WDR70: variants seen among roughly 807,000 people sequenced by gnomAD.
WDR70 encodes WD repeat-containing protein 70.
A neutral mutation model predicts 88.6 loss-of-function variants in WDR70; 53 were observed. That is an observed-to-expected ratio of 0.60 (90% CI 0.48 to 0.75). The LOEUF is 0.75. Ranked by LOEUF, WDR70 falls within the 30% of genes least tolerant of loss-of-function variation. WDR70 has a pLI of 0.00. For synonymous variants in WDR70, 280 were observed against 270.0 expected, an observed-to-expected ratio of 1.04 and a Z score of -0.36; for missense variants, 610 against 823.2, an observed-to-expected ratio of 0.74 and a Z score of 3.17.
At chr5:37,488,323 T>C (rs963091513) in intron 8 of WDR70, among the ~76,000 whole-genome samples, 4 of 152,064 alleles carry the variant, frequency 2.6e-5, no homozygotes, top group Non-Finnish European at 5.9e-5. Flanking sequence ...GCTATCTTCT[T>C]GTATCTGTAT....
chr5:37,418,831 T>C (rs1447055310), intron 5 of WDR70, among the ~76,000 whole-genome samples: 1 of 152,094 alleles, frequency 6.6e-6, no homozygotes, highest in Non-Finnish European at 1.5e-5. Context: ...TGATCTTGGC[T>C]CTGCTCACTG....
intron 7 of WDR70, among the ~76,000 whole-genome samples, chr5:37,446,903 C>A (rs1304097793): frequency 1.3e-5 from 2 of 152,088 alleles, no homozygotes; most frequent in Non-Finnish European, 1.5e-5. Flanking sequence ...GTCTAAAACA[C>A]CAAAAGCAAT....
At chr5:37,664,899 A>G (rs1446376091) in intron 10 of WDR70, among the ~76,000 whole-genome samples, 1 of 152,256 alleles carries the variant, frequency 6.6e-6, no homozygotes, top group East Asian at 1.9e-4. Flanking sequence ...TGTGTTTAGT[A>G]TCACTGAACT....
chr5:37,495,865 A>C (rs1269972314), intron 8 of WDR70, among the ~76,000 whole-genome samples: 1 of 152,212 alleles, frequency 6.6e-6, no homozygotes, highest in Non-Finnish European at 1.5e-5. Flanking sequence ...AAGGGCACTT[A>C]ACATTCCCAT....
At position 37,674,918 on chromosome 5, in the gene WDR70, T is replaced by C. The variant is rs1162812803; in HGVS notation, c.1093-22737T>C. Among the ~76,000 whole-genome samples the C allele has an allele frequency of 3.6e-4, 55 of 151,630 alleles. No individual in the cohort carries two copies. In the East Asian group the frequency reaches 6.2e-3, roughly 17 times the overall value. ...TGTTGTTTCCTGACTTTTTAATGAT[T>C]GCCATTCTAACTGGTGTGAGATGGT... is the stretch of plus-strand genomic sequence containing the variant. On this transcript the variant is annotated intron_variant, in intron 10 of 17. Transcript: ENST00000265107.
chr5:37,696,606 A>G (rs1746989553), intron 10 of WDR70, among the ~76,000 whole-genome samples: 1 of 152,180 alleles, frequency 6.6e-6, no homozygotes, highest in Non-Finnish European at 1.5e-5. Flanking sequence ...GAAAGTTGGT[A>G]ATGGCCCAGA....
rs144041705 is a variant in WDR70 at position 37,731,794 on chromosome 5, A to G, written c.1877+4749A>G. Among the ~76,000 whole-genome samples the G allele has an allele frequency of 5.3e-3, 813 of 152,290 alleles. 4 individuals carry two copies. The highest frequency in any genetic ancestry group is 9.0e-3 in the Admixed American group (138 of 15,290). On this transcript the variant is annotated intron_variant, in intron 17 of 17. Coordinates refer to ENST00000265107, the MANE Select transcript of WDR70 (RefSeq NM_018034.4). ...TATAAATACTCTTTGCTGATTATTC[A>G]TTGATATTAGCAACGTATAATATAG...
intron 9 of WDR70, among the ~76,000 whole-genome samples, chr5:37,539,351 G>A (rs187938427): frequency 8.5e-4 from 130 of 152,158 alleles, no homozygotes; most frequent in Non-Finnish European, 1.5e-3. Context: ...TATGAATGTG[G>A]GCCCTAATCC....
At chr5:37,471,551 A>G (rs1164891570) in intron 7 of WDR70, among the ~76,000 whole-genome samples, 2 of 151,262 alleles carry the variant, frequency 1.3e-5, no homozygotes, top group Non-Finnish European at 2.9e-5. Flanking sequence ...TTCACTCGCA[A>G]TTTTTGGCTT....
At chr5:37,436,369 C>A (rs760141947) in intron 5 of WDR70, among the ~76,000 whole-genome samples, 5 of 152,096 alleles carry the variant, frequency 3.3e-5, no homozygotes, top group Non-Finnish European at 7.4e-5. Context: ...CATAACTTTG[C>A]TGAAGTCATC....
chr5:37,701,600 T>C (rs1245616627), intron 12 of WDR70, among the ~76,000 whole-genome samples: 2 of 151,986 alleles, frequency 1.3e-5, no homozygotes, highest in East Asian at 1.9e-4. Context: ...CCATCCTGGC[T>C]AACAACGGTG....
intron 17 of WDR70, among the ~76,000 whole-genome samples, chr5:37,738,329 T>C (rs1257167010): frequency 1.3e-5 from 2 of 152,202 alleles, no homozygotes; most frequent in Non-Finnish European, 2.9e-5. Context: ...GACTAAGTAA[T>C]GCAAGTGATT....
intron 8 of WDR70, among the ~76,000 whole-genome samples, chr5:37,497,723 C>CA (rs1174651791): frequency 3.3e-5 from 5 of 152,124 alleles, no homozygotes; most frequent in Admixed American, 2.0e-4. Flanking sequence ...TTTCTACTTT[C>CA]AAAAGAGATT....
chr5:37,409,381 G>A (rs1387353261), intron 5 of WDR70, among the ~76,000 whole-genome samples: 1 of 152,106 alleles, frequency 6.6e-6, no homozygotes, highest in African/African-American at 2.4e-5. Context: ...TTTTTGTCAA[G>A]CTTGACTGTG....
chr5:37,454,397 A>G (rs576525035), intron 7 of WDR70, among the ~76,000 whole-genome samples: 11 of 152,300 alleles, frequency 7.2e-5, no homozygotes, highest in African/African-American at 2.6e-4. Context: ...CATTCATTTT[A>G]TATTAAAAGT....
At chr5:37,511,292 C>G (rs1740713015) in intron 8 of WDR70, among the ~76,000 whole-genome samples, 1 of 152,150 alleles carries the variant, frequency 6.6e-6, no homozygotes, top group Non-Finnish European at 1.5e-5. Context: ...AGTATACACT[C>G]AATGGTCCTT....
At chr5:37,417,546 T>C (rs1033714485) in intron 5 of WDR70, among the ~76,000 whole-genome samples, 3 of 151,842 alleles carry the variant, frequency 2.0e-5, no homozygotes, top group African/African-American at 7.3e-5. Context: ...CGACGTTTTT[T>C]TTTTTTTTAA....
intron 9 of WDR70, among the ~76,000 whole-genome samples, chr5:37,561,762 T>TA (rs1365519487): frequency 6.6e-6 from 1 of 152,274 alleles, no homozygotes; most frequent in African/African-American, 2.4e-5. Flanking sequence ...TATTGTGACT[T>TA]ACTGCTTTTT....
intron 5 of WDR70, among the ~76,000 whole-genome samples, chr5:37,399,287 CA>C (rs1561837615): frequency 6.6e-6 from 1 of 151,450 alleles, no homozygotes; most frequent in Non-Finnish European, 1.5e-5. Flanking sequence ...CACACACACA[CA>C]AAAAAAATTA....
Sources: allele counts gnomAD v4.1 joint callset (sites outside exome capture counted in the v4.1 genomes callset), GRCh38; gene constraint gnomAD v4.1.1; transcripts MANE v1.5; gene names NCBI Gene and HGNC (gene_info 2026-07-23, HGNC 2026-07-21).